TXNRD3: variants seen among roughly 807,000 people sequenced by gnomAD.
TXNRD3 encodes the protein TXNRD3 neighbor gene protein.
In TXNRD3, 68 loss-of-function variants were observed where a neutral mutation model predicts 78.2. The ratio of observed to expected loss-of-function variants is 0.87; its 90% confidence interval spans 0.72 to 1.06. The LOEUF (loss-of-function observed/expected upper bound fraction) is 1.06, where lower values mean the gene tolerates loss of function less well. Ranked by LOEUF, TXNRD3 falls within the 50% of genes least tolerant of loss-of-function variation. The probability of loss-of-function intolerance (pLI) is 0.00; values close to 1 mark genes in which losing one functional copy is unlikely to be tolerated. For missense variants in TXNRD3, 751 were observed against 809.5 expected, an observed-to-expected ratio of 0.93 and a Z score of 0.88; for synonymous variants, 296 against 300.1, an observed-to-expected ratio of 0.99 and a Z score of 0.14.
intron 12 of TXNRD3, among the ~76,000 whole-genome samples, chr3:126,620,526 A>G (rs1938427675): frequency 6.6e-6 from 1 of 152,208 alleles, no homozygotes; most frequent in Non-Finnish European, 1.5e-5. Flanking sequence ...CAAAAAAGGA[A>G]TATGAACTAC....
chr3:126,636,202 G>A (rs1462805636), intron 6 of TXNRD3, among the ~76,000 whole-genome samples: 2 of 152,102 alleles, frequency 1.3e-5, no homozygotes, highest in African/African-American at 2.4e-5. Flanking sequence ...TCTCACAAAA[G>A]CAATCAACTT....
chr3:126,646,002 T>G lies in TXNRD3; in HGVS notation c.414+109A>C, dbSNP rs543630152. ...GATAATTATCCTATATGCTTCATTT[T>G]ATAACTTCCAAAAGATGAGTGGACT... On this transcript the variant is annotated intron_variant, in intron 3 of 15. Coordinates refer to ENST00000524230, the MANE Select transcript of TXNRD3 (RefSeq NM_052883.3). The G allele has an allele frequency of 5.4e-5, 43 of 795,342 alleles. No homozygotes were observed. In the East Asian group the frequency reaches 1.2e-3, roughly 22 times the overall value. 49.3% of individuals were successfully genotyped at this position (795,342 alleles called of 1,614,324 possible). A position where few individuals can be genotyped will look rare whatever the true frequency, so the allele number is the denominator to read the frequency against.
intron 6 of TXNRD3, among the ~76,000 whole-genome samples, chr3:126,635,052 C>T (rs1207123188): frequency 1.3e-5 from 2 of 152,166 alleles, no homozygotes; most frequent in East Asian, 1.9e-4. Context: ...ACCTCATCCT[C>T]CCACACCCTG....
At position 126,608,049 on chromosome 3, in the gene TXNRD3, T is replaced by C. The variant is rs547186670; in HGVS notation, c.1864-76A>G. The stretch of plus-strand genomic sequence containing the variant: ...AAAAAAACACATTCTGAATATTATA[T>C]TTATGCTATTCTTTAAAATATACAA... On this transcript the variant is annotated intron_variant, in intron 15 of 15. Coordinates refer to ENST00000524230, the MANE Select transcript of TXNRD3 (RefSeq NM_052883.3). The C allele has an allele frequency of 1.1e-4, 119 of 1,112,052 alleles. No homozygotes were observed. The South Asian group carries it at 1.4e-3, about 13-fold the overall frequency. The allele number at this position is 1,112,052 out of a possible 1,614,324, so 68.9% of individuals were successfully genotyped here.
At chr3:126,639,696 G>A (rs551923738) in intron 6 of TXNRD3, among the ~76,000 whole-genome samples, 12 of 151,990 alleles carry the variant, frequency 7.9e-5, no homozygotes, top group Non-Finnish European at 1.3e-4. Context: ...TCAGCCTCCC[G>A]AGTAGCTAGG....
chr3:126,643,162 C>T (rs1233763303), intron 5 of TXNRD3, among the ~76,000 whole-genome samples: 1 of 152,194 alleles, frequency 6.6e-6, no homozygotes, highest in African/African-American at 2.4e-5. Flanking sequence ...CTCCACTCTT[C>T]CTCTGCCCTC....
At chr3:126,615,316 A>G (rs1293124794) in intron 13 of TXNRD3, 39 bp downstream of exon 13, 7 of 1,046,318 alleles carry the variant, frequency 6.7e-6, no homozygotes, top group Non-Finnish European at 9.3e-6. Flanking sequence ...TGTTGATTAA[A>G]AGAGAATTTT....
chr3:126,615,369 T>C lies in TXNRD3; in HGVS notation c.1618A>G (p.Lys540Glu). 6.8e-7 allele frequency: 1 copy of C among 1,475,400 alleles called. No individual in the cohort carries two copies. Among genetic ancestry groups the C allele is most frequent in the Non-Finnish European group, 9.0e-7 (1 of 1,115,068 alleles). 91.4% of individuals were successfully genotyped at this position (1,475,400 alleles called of 1,614,324 possible). A position where few individuals can be genotyped will look rare whatever the true frequency, so the allele number is the denominator to read the frequency against. ...CACAATCTTACTTCTAGATTCTCTT[T>C]TTTATATACTTCAATAGCTTTCTCT... is the stretch of plus-strand genomic sequence containing the variant. The change falls in exon 13 of 16, where the codon AAA (lysine) becomes GAA (glutamate). Residue 540 changes from lysine to glutamate, a missense_variant. Coordinates refer to ENST00000524230, the MANE Select transcript of TXNRD3 (RefSeq NM_052883.3).
intron 5 of TXNRD3, among the ~76,000 whole-genome samples, chr3:126,642,781 A>G (rs1933125529): frequency 6.6e-6 from 1 of 152,234 alleles, no homozygotes; most frequent in Non-Finnish European, 1.5e-5. Flanking sequence ...GAAGTAGATT[A>G]GCTTTTGTAC....
In TXNRD3 at chr3:126,607,424, C is replaced by A. The variant is rs1208296536; in HGVS notation, c.*481G>T. On this transcript the variant is annotated 3_prime_UTR_variant, in exon 16 of 16. Coordinates refer to ENST00000524230, the MANE Select transcript of TXNRD3 (RefSeq NM_052883.3). Reference sequence around the variant, plus strand: ...GCTATCCAAATGCAGCCCACAGCAGCCCACAGACACTGTTCACCAGTGAGC... The same window carrying A: ...GCTATCCAAATGCAGCCCACAGCAGACCACAGACACTGTTCACCAGTGAGC... The A allele has an allele frequency of 1.3e-5, 2 of 152,386 alleles. No individual in the cohort carries two copies. The highest frequency in any genetic ancestry group is 2.4e-5 in the African/African-American group (1 of 41,440). The allele number at this position is 152,386 out of a possible 1,614,324, so 9.4% of individuals were successfully genotyped here. A position where few individuals can be genotyped will look rare whatever the true frequency, so the allele number is the denominator to read the frequency against.
chr3:126,611,329 C>T (rs1402347907), intron 13 of TXNRD3, among the ~76,000 whole-genome samples, 197 bp from the exon 14 acceptor site: 2 of 152,180 alleles, frequency 1.3e-5, no homozygotes, highest in African/African-American at 4.8e-5. Flanking sequence ...TGTGTGTTGA[C>T]TGTTGTTTTG....
In TXNRD3 at chr3:126,654,885, G is replaced by A; in HGVS notation, c.106C>T (p.Arg36Cys). The change falls in exon 1 of 16, where the codon CGC (arginine) becomes TGC (cysteine). Residue 36 changes from arginine (R) to cysteine (C), a missense_variant. Transcript: ENST00000524230. ...CCGGGGGACGACAGGCGGGCACGGC[G>A]CCCCGGCGGCGACAACACGCGCGCC... The A allele has an allele frequency of 1.5e-6, 2 of 1,325,096 alleles. No individual in the cohort carries two copies. Among genetic ancestry groups the A allele is most frequent in the Non-Finnish European group, 1.9e-6 (2 of 1,046,152 alleles). 82.1% of individuals were successfully genotyped at this position (1,325,096 alleles called of 1,614,324 possible).
Position 126,647,289 on chromosome 3 carries a change from T to C in TXNRD3, c.251A>G (p.Glu84Gly). 1.3e-6 allele frequency: 2 copies of C among 1,535,258 alleles called. No homozygotes were observed. The highest frequency in any genetic ancestry group is 1.7e-6 in the Non-Finnish European group (2 of 1,146,600). ...TTCGACTCCCAAAGAAGAAAAGAGT[T>C]CTTTCACCTGTAAAAAAAATTTAGC... Residue 84 changes from glutamate (E) to glycine (G), a missense_variant, in exon 2 of 16, where the codon GAA becomes GGA. By Grantham distance (98) the Glu-to-Gly change is moderately conservative (BLOSUM62 -2). Coordinates refer to ENST00000524230, the MANE Select transcript of TXNRD3 (RefSeq NM_052883.3).
chr3:126,647,459 C>T (rs546041989), intron 1 of TXNRD3, among the ~76,000 whole-genome samples, 163 bp from the exon 2 acceptor site: 10 of 152,304 alleles, frequency 6.6e-5, no homozygotes, highest in African/African-American at 1.7e-4. Context: ...CTTTCCTCTA[C>T]ACATCTTCCC....
chr3:126,612,467 C>T (rs944940186), intron 13 of TXNRD3, among the ~76,000 whole-genome samples: 1 of 152,044 alleles, frequency 6.6e-6, no homozygotes, highest in African/African-American at 2.4e-5. Context: ...CAAACTCTTA[C>T]CAGGTTTGTT....
chr3:126,611,031 A>T lies in TXNRD3; in HGVS notation c.1728+6T>A. ...CAGCATTTTGGCTTCTAGTGGTATT[A>T]CATACATGGTCGAATTTATTGCAGA... On this transcript the variant is annotated splice_donor_region_variant and intron_variant, in intron 14 of 15. Transcript: ENST00000524230. The T allele has an allele frequency of 6.8e-7, 1 of 1,475,180 alleles. No homozygotes were observed. 91.4% of individuals were successfully genotyped at this position (1,475,180 alleles called of 1,614,324 possible). A position where few individuals can be genotyped will look rare whatever the true frequency, so the allele number is the denominator to read the frequency against.
chr3:126,646,501 CTT>C (rs1933237464), intron 2 of TXNRD3, among the ~76,000 whole-genome samples: 1 of 152,200 alleles, frequency 6.6e-6, no homozygotes. Flanking sequence ...TAAGAGCCCT[CTT>C]TAAAGAGCAA....
At chr3:126,645,975 CT>C in intron 3 of TXNRD3, 135 bp downstream of exon 3, 1 of 652,858 alleles carries the variant, frequency 1.5e-6, no homozygotes, top group Non-Finnish European at 2.4e-6. Flanking sequence ...TCAGTATTAT[CT>C]GATAATTATC....
At chr3:126,631,904 A>G in intron 7 of TXNRD3, 25 bp from the exon 8 acceptor site, 6 of 1,459,736 alleles carry the variant, frequency 4.1e-6, no homozygotes, top group Non-Finnish European at 5.6e-6. Context: ...AGTAAACCTC[A>G]CTTAGCAAAC....
Sources: gnomAD v4.1 joint callset for allele counts (sites outside exome capture counted in the v4.1 genomes callset) on GRCh38, gnomAD v4.1.1 for gene constraint, MANE v1.5 for transcripts, NCBI Gene and HGNC (gene_info 2026-07-23, HGNC 2026-07-21) for gene names.